FAM171A1: variants seen among roughly 807,000 people sequenced by gnomAD.
FAM171A1 encodes the protein family with sequence similarity 171 member A1, also known as protein FAM171A1.
A neutral mutation model predicts 74.9 loss-of-function variants in FAM171A1; 23 were observed. The ratio of observed to expected loss-of-function variants is 0.31; its 90% CI spans 0.22 to 0.44. FAM171A1 has a LOEUF of 0.44. Among genes scored for constraint, FAM171A1 ranks in the 20% least tolerant of loss-of-function variants. FAM171A1 has a pLI of 1.00. For synonymous variants in FAM171A1, 527 were observed against 505.7 expected, an observed-to-expected ratio of 1.04 and a Z score of -0.57; for missense variants, 1,162 against 1,159.2, an observed-to-expected ratio of 1.00 and a Z score of -0.03.
chr10:15,286,533 C>T (rs936858279), intron 1 of FAM171A1, among the ~76,000 whole-genome samples: 4 of 152,100 alleles, frequency 2.6e-5, no homozygotes, highest in Admixed American at 2.6e-4. Context: ...CCACCCACCT[C>T]GGGCTCCCAA....
intron 3 of FAM171A1, among the ~76,000 whole-genome samples, chr10:15,266,850 C>G (rs897581106): frequency 9.1e-5 from 11 of 120,704 alleles, no homozygotes; most frequent in African/African-American, 2.9e-4. Flanking sequence ...GCCTGGGTGA[C>G]AGAGTGAGAC....
At chr10:15,293,106 A>G (rs1424076382) in intron 1 of FAM171A1, among the ~76,000 whole-genome samples, 1 of 152,122 alleles carries the variant, frequency 6.6e-6, no homozygotes, top group Non-Finnish European at 1.5e-5. Flanking sequence ...TGAGACAGTT[A>G]TTTTGTGTTT....
chr10:15,248,728 C>A lies in FAM171A1; in HGVS notation c.665G>T (p.Gly222Val). ...SSNGTPVLVDGPIYVTVPLAT... is the reference protein window; with the variant it reads ...SSNGTPVLVDVPIYVTVPLAT... ...CAGGGGCACAGTGACATAGATGGGA[C>A]CATCCACCAGCACCGGCGTTCCATT... Residue 222 changes from glycine to valine, a missense_variant, in exon 5 of 8, where the codon GGT (glycine) becomes GTT (valine). Coordinates refer to ENST00000378116, the MANE Select transcript of FAM171A1 (RefSeq NM_001010924.2). 1 of 1,613,894 alleles carries A rather than the reference C, an allele frequency of 6.2e-7. No homozygotes were observed. The highest frequency in any genetic ancestry group is 1.1e-5 in the South Asian group (1 of 90,992).
At chr10:15,261,982 G>A (rs1834663503) in intron 3 of FAM171A1, among the ~76,000 whole-genome samples, 1 of 152,204 alleles carries the variant, frequency 6.6e-6, no homozygotes, top group Admixed American at 6.5e-5. Context: ...GGGTGTGGTG[G>A]CGCATGCCTG....
intron 7 of FAM171A1, among the ~76,000 whole-genome samples, chr10:15,215,116 C>G (rs1453547409): frequency 3.3e-5 from 5 of 151,956 alleles, no homozygotes; most frequent in Admixed American, 3.3e-4. Context: ...TCTGGAGAGC[C>G]CTTTGCCTAA....
At chr10:15,264,927 T>C (rs1483783931) in intron 3 of FAM171A1, among the ~76,000 whole-genome samples, 1 of 152,060 alleles carries the variant, frequency 6.6e-6, no homozygotes, top group Non-Finnish European at 1.5e-5. Context: ...TTCCAACTAG[T>C]GGGAAAACAG....
At chr10:15,303,587 C>A (rs1835258801) in intron 1 of FAM171A1, among the ~76,000 whole-genome samples, 1 of 152,236 alleles carries the variant, frequency 6.6e-6, no homozygotes, top group African/African-American at 2.4e-5. Context: ...TCACTGCCAT[C>A]TCAATTCATA....
chr10:15,231,892 C>T (rs76455905), intron 5 of FAM171A1, among the ~76,000 whole-genome samples: 11,186 of 151,876 alleles, frequency 0.074, 480 homozygotes, highest in Middle Eastern at 0.18. Flanking sequence ...TAAGATCAGC[C>T]CTGGCAACAC....
intron 5 of FAM171A1, among the ~76,000 whole-genome samples, chr10:15,233,987 G>T (rs1834246862): frequency 6.6e-6 from 1 of 151,900 alleles, no homozygotes; most frequent in Non-Finnish European, 1.5e-5. Context: ...TCACACTTAG[G>T]TCTTATGCAA....
chr10:15,374,148 G>A (rs1344811448), upstream of FAM171A1, among the ~76,000 whole-genome samples: 1 of 152,166 alleles, frequency 6.6e-6, no homozygotes, highest in Non-Finnish European at 1.5e-5. Flanking sequence ...TACTTTCCAG[G>A]ACGAATTGGA....
At position 15,331,846 on chromosome 10, in the gene FAM171A1, T is replaced by TACAC. The variant is rs1554755836; in HGVS notation, c.97+39109_97+39110insGTGT. On this transcript the variant is annotated intron_variant, in intron 1 of 7. Transcript: ENST00000378116. ...ATATATGTGTGTATATATATGTGTG[T>TACAC]ATATATATGTGTGTATATATATGTG... 6.1e-4 allele frequency among the ~76,000 whole-genome samples: 28 copies of TACAC among 45,818 alleles called. 1 individual carries two copies. The highest frequency in any genetic ancestry group is 1.0e-3 in the Non-Finnish European group (23 of 22,584). 30.1% of individuals were successfully genotyped at this position (45,818 alleles called of 152,430 possible). A position where few individuals can be genotyped will look rare whatever the true frequency, so the allele number is the denominator to read the frequency against.
chr10:15,322,832 T>C (rs1460627419), intron 1 of FAM171A1, among the ~76,000 whole-genome samples: 1 of 152,258 alleles, frequency 6.6e-6, no homozygotes, highest in Non-Finnish European at 1.5e-5. Flanking sequence ...GGTCTTCATT[T>C]GCAATAAAAA....
intron 6 of FAM171A1, among the ~76,000 whole-genome samples, chr10:15,219,212 G>T (rs1428127979): frequency 6.6e-6 from 1 of 152,068 alleles, no homozygotes; most frequent in African/African-American, 2.4e-5. Flanking sequence ...AACCCAGGAG[G>T]CGGAGGTGGC....
intron 7 of FAM171A1, 50 bp from the exon 8 acceptor site, chr10:15,214,651 G>T: frequency 1.3e-6 from 2 of 1,496,972 alleles, no homozygotes; most frequent in South Asian, 1.4e-5. Flanking sequence ...TTCTCACAAT[G>T]AAAAAGTTTC....
chr10:15,295,914 C>A (rs1835156082), intron 1 of FAM171A1, among the ~76,000 whole-genome samples: 1 of 152,190 alleles, frequency 6.6e-6, no homozygotes, highest in African/African-American at 2.4e-5. Context: ...AATAGAACAC[C>A]AGAAAACTGC....
chr10:15,261,113 C>T (rs1490480245), intron 3 of FAM171A1, among the ~76,000 whole-genome samples: 1 of 152,216 alleles, frequency 6.6e-6, no homozygotes, highest in Non-Finnish European at 1.5e-5. Context: ...CTCTCCCGAA[C>T]TATCATATGA....
chr10:15,225,090 C>T (rs534335086), intron 5 of FAM171A1, among the ~76,000 whole-genome samples: 7 of 152,358 alleles, frequency 4.6e-5, no homozygotes, highest in South Asian at 2.1e-4. Flanking sequence ...CAAAAACACA[C>T]GTTGCCTTCC....
intron 1 of FAM171A1, among the ~76,000 whole-genome samples, chr10:15,352,447 A>C (rs1036296138): frequency 1.3e-5 from 2 of 152,152 alleles, no homozygotes; most frequent in African/African-American, 4.8e-5. Flanking sequence ...AAGGGTCCAA[A>C]AGCTAGTAGC....
chr10:15,361,959 A>G (rs1381872382), intron 1 of FAM171A1, among the ~76,000 whole-genome samples: 1 of 152,238 alleles, frequency 6.6e-6, no homozygotes, highest in African/African-American at 2.4e-5. Flanking sequence ...CAAGGCAAAC[A>G]AAATTATAAA....
Sources: gnomAD v4.1 joint callset for allele counts (sites outside exome capture counted in the v4.1 genomes callset) on GRCh38, gnomAD v4.1.1 for gene constraint, MANE v1.5 for transcripts, NCBI Gene and HGNC (gene_info 2026-07-23, HGNC 2026-07-21) for gene names.